Variants in USP48 observed in about 807,000 individuals in gnomAD.
USP48 encodes the protein ubiquitin specific peptidase 48.
Under a neutral mutation model 150.7 loss-of-function variants are expected in USP48, and 43 were observed. That is an observed-to-expected ratio of 0.29 (90% CI 0.22 to 0.37). The LOEUF is 0.37. USP48 is among the 10% of genes least tolerant of loss of function. The pLI is 1.00. For synonymous variants in USP48, 396 were observed against 425.9 expected (o/e 0.93, Z 0.86); for missense variants, 813 against 1,249.6 (o/e 0.65, Z 5.27).
intron 19 of USP48, 129 bp downstream of exon 19, chr1:21,705,598 C>A: frequency 3.1e-6 from 2 of 636,042 alleles, no homozygotes. Flanking sequence ...AAAAAAAAAC[C>A]CCACAATTCA....
intron 9 of USP48, among the ~76,000 whole-genome samples, chr1:21,730,086 GAAC>G (rs1429625041): frequency 6.6e-6 from 1 of 152,002 alleles, no homozygotes. Context: ...AACAAACCTA[GAAC>G]AACAACAAAA....
intron 15 of USP48, among the ~76,000 whole-genome samples, chr1:21,709,837 T>C (rs1019052523): frequency 6.6e-5 from 10 of 152,150 alleles, no homozygotes; most frequent in African/African-American, 2.4e-4. Context: ...TAATATTAAA[T>C]AGTCATTTTA....
intron 1 of USP48, among the ~76,000 whole-genome samples, chr1:21,766,893 C>T (rs1231804496): frequency 2.0e-5 from 3 of 152,030 alleles, no homozygotes; most frequent in Non-Finnish European, 2.9e-5. Context: ...GGCAAAACCC[C>T]GTCTCTACTA....
At chr1:21,746,860 A>C (rs1342856212) in intron 8 of USP48, among the ~76,000 whole-genome samples, 1 of 152,188 alleles carries the variant, frequency 6.6e-6, no homozygotes, top group Non-Finnish European at 1.5e-5. Flanking sequence ...TCGATGAACC[A>C]CCTCATCTTT....
rs2097672569 is a variant in USP48, at chr1:21,706,338, C to A, written c.2211+129G>T. The A allele has an allele frequency of 3.3e-6, 5 of 1,513,920 alleles. No homozygotes were observed. The highest frequency in any genetic ancestry group is 2.7e-6 in the Non-Finnish European group (3 of 1,115,820). 93.8% of individuals were successfully genotyped at this position (1,513,920 alleles called of 1,614,324 possible). ...CAAAAAATAGCAGGCTGGAGTAAAT[C>A]CCCTGGTTAGATAACTAAACAAATG... On this transcript the variant is annotated intron_variant, in intron 17 of 26. Coordinates refer to ENST00000308271, the MANE Select transcript of USP48 (RefSeq NM_032236.8).
At chr1:21,682,140 T>G (rs924247020) in intron 25 of USP48, among the ~76,000 whole-genome samples, 3 of 152,198 alleles carry the variant, frequency 2.0e-5, no homozygotes, top group African/African-American at 7.2e-5. Flanking sequence ...AGACGGTGCA[T>G]GACAGATCAA....
Position 21,723,901 on chromosome 1 carries a change from T to C in USP48, c.1645A>G (p.Thr549Ala). ...CAGAGAGGACATCTTGAATTACCAGTTAGTCTTGGACCTCCTCCATATCTA... is the reference window on the plus strand; with the variant it reads ...CAGAGAGGACATCTTGAATTACCAGCTAGTCTTGGACCTCCTCCATATCTA... ...YSRYGGGPRLTVKALCKECVV... is the reference protein window; with the variant it reads ...YSRYGGGPRLAVKALCKECVV... Residue 549 changes from threonine to alanine, a missense_variant, in exon 12 of 27, where the codon ACT (threonine) becomes GCT (alanine). Transcript: ENST00000308271. 1 of 1,611,158 alleles carries C rather than the reference T, an allele frequency of 6.2e-7. No homozygotes were observed.
At chr1:21,695,948 A>C (rs1309173047) in intron 22 of USP48, among the ~76,000 whole-genome samples, 1 of 152,226 alleles carries the variant, frequency 6.6e-6, no homozygotes, top group East Asian at 1.9e-4. Context: ...CAAAATATAC[A>C]GACTCACTCA....
chr1:21,683,445 C>T (rs2097572230), intron 25 of USP48, among the ~76,000 whole-genome samples: 1 of 152,006 alleles, frequency 6.6e-6, no homozygotes, highest in South Asian at 2.1e-4. Flanking sequence ...AGTGTAGTGG[C>T]ATGATGACAG....
At chr1:21,719,671 T>C (rs569514) in intron 14 of USP48, among the ~76,000 whole-genome samples, 149,645 of 152,306 alleles carry the variant, frequency 0.98, 73,556 homozygotes, top group Non-Finnish European at 1. Flanking sequence ...AGTTCAAGAC[T>C]AGCCTGGCCA....
Position 21,701,406 on chromosome 1 carries a change from T to C in USP48, c.2727+92A>G. ...AGAAAAAAAAAGAACCAATATCCCA[T>C]ACAGGGTACAGAGACATGGCCAGGG... On this transcript the variant is annotated intron_variant, in intron 22 of 26. Transcript: ENST00000308271. 1.9e-5 allele frequency: 16 copies of C among 829,544 alleles called. 1 individual carries two copies. Among genetic ancestry groups the C allele is most frequent in the Non-Finnish European group, 2.5e-5 (13 of 512,856 alleles). The allele number at this position is 829,544 out of a possible 1,614,324, so 51.4% of individuals were successfully genotyped here. A position where few individuals can be genotyped will look rare whatever the true frequency, so the allele number is the denominator to read the frequency against.
At chr1:21,731,454 A>G (rs764941424) in intron 9 of USP48, among the ~76,000 whole-genome samples, 1 of 151,792 alleles carries the variant, frequency 6.6e-6, no homozygotes, top group Non-Finnish European at 1.5e-5. Flanking sequence ...AGTGGAGATG[A>G]GGATTTACCA....
At chr1:21,745,197 G>A (rs1011449103) in intron 8 of USP48, among the ~76,000 whole-genome samples, 11 of 152,144 alleles carry the variant, frequency 7.2e-5, no homozygotes, top group South Asian at 2.1e-4. Context: ...CAAGCATTAC[G>A]ACAGCGTGTA....
intron 9 of USP48, among the ~76,000 whole-genome samples, chr1:21,731,037 G>C (rs1296632114): frequency 6.6e-6 from 1 of 152,052 alleles, no homozygotes; most frequent in Non-Finnish European, 1.5e-5. Context: ...GGGATTACAG[G>C]CGTGAGCCAC....
In USP48 at chr1:21,695,846, G is replaced by T. The variant is rs566331929; in HGVS notation, c.2728-625C>A. Among the ~76,000 whole-genome samples, 16 of 152,080 alleles carry T rather than the reference G, an allele frequency of 1.1e-4. 1 individual carries two copies. In the South Asian group the frequency reaches 3.3e-3, roughly 32 times the overall value. ...ATGACATGGAAACTAAGTATAAACT[G>T]TTGTGAATTTAAAAATAAAATATGG... On this transcript the variant is annotated intron_variant, in intron 22 of 26. Coordinates refer to ENST00000308271, the MANE Select transcript of USP48 (RefSeq NM_032236.8).
At chr1:21,723,135 G>A (rs2097726331) in intron 12 of USP48, among the ~76,000 whole-genome samples, 1 of 152,188 alleles carries the variant, frequency 6.6e-6, no homozygotes, top group South Asian at 2.1e-4. Flanking sequence ...TGGGTACTAT[G>A]TGGTCATATA....
intron 22 of USP48, 104 bp from the exon 23 acceptor site, chr1:21,695,325 C>T: frequency 2.4e-6 from 3 of 1,235,030 alleles, no homozygotes. Flanking sequence ...TTATTGGTCC[C>T]TTAACTATTT....
chr1:21,749,692 T>C (rs1032115283), intron 6 of USP48, among the ~76,000 whole-genome samples: 1 of 152,084 alleles, frequency 6.6e-6, no homozygotes, highest in African/African-American at 2.4e-5. Flanking sequence ...AGCCTCAAAC[T>C]CCTGAGCTCA....
At chr1:21,699,444 C>T (rs1183004445) in intron 22 of USP48, among the ~76,000 whole-genome samples, 4 of 151,258 alleles carry the variant, frequency 2.6e-5, no homozygotes, top group Middle Eastern at 3.5e-3. Flanking sequence ...GTGATCTGCC[C>T]GCCTCAGCCT....
Sources: gnomAD v4.1 joint callset for allele counts (sites outside exome capture counted in the v4.1 genomes callset) on GRCh38, gnomAD v4.1.1 for gene constraint, MANE v1.5 for transcripts, NCBI Gene and HGNC (gene_info 2026-07-23, HGNC 2026-07-21) for gene names.